The following CACNA1C variants were observed in gnomAD, a reference collection of about 807,000 sequenced individuals.
The protein encoded by CACNA1C is calcium voltage-gated channel subunit alpha1 C, also known as voltage-dependent L-type calcium channel subunit alpha-1C.
Under a neutral mutation model 229.0 loss-of-function variants are expected in CACNA1C, and 30 were observed. The observed-to-expected ratio is 0.13, with a 90% confidence interval of 0.10 to 0.18. The LOEUF is 0.18. CACNA1C is among the 10% of genes least tolerant of loss of function. The pLI is 1.00. For missense variants in CACNA1C, 1,658 were observed against 2,845.0 expected (o/e 0.58, Z 9.49); for synonymous variants, 1,114 against 1,132.5 (o/e 0.98, Z 0.33).
intron 3 of CACNA1C, among the ~76,000 whole-genome samples, chr12:2,255,072 G>C (rs1214203462): frequency 4.6e-5 from 7 of 152,142 alleles, no homozygotes; most frequent in Non-Finnish European, 1.0e-4. Context: ...CAGATGCCAC[G>C]GCTGTGGATG....
intron 13 of CACNA1C, among the ~76,000 whole-genome samples, chr12:2,570,919 G>C (rs1206405117): frequency 2.6e-5 from 4 of 152,204 alleles, no homozygotes; most frequent in African/African-American, 9.7e-5. Flanking sequence ...TCGAAAGAGA[G>C]CTCTTCCTAA....
At chr12:2,497,251 A>G (rs2099748561) in intron 7 of CACNA1C, among the ~76,000 whole-genome samples, 1 of 152,192 alleles carries the variant, frequency 6.6e-6, no homozygotes, top group African/African-American at 2.4e-5. Context: ...GACCTCTTAC[A>G]CACTGTGGGC....
At chr12:2,501,209 C>CAAAAAA (rs59324696) in intron 7 of CACNA1C, among the ~76,000 whole-genome samples, 1,176 of 31,342 alleles carry the variant, frequency 0.038, 107 homozygotes, top group East Asian at 0.085. Flanking sequence ...GACTCCACCT[C>CAAAAAA]AAAAAAAAAA....
Position 2,488,551 on chromosome 12 carries a change from G to T in CACNA1C, c.916+2289G>T, listed in dbSNP as rs941464756. 1.3e-5 allele frequency among the ~76,000 whole-genome samples: 2 copies of T among 152,222 alleles called. No homozygotes were observed. The highest frequency in any genetic ancestry group is 6.5e-5 in the Admixed American group (1 of 15,290). ...CACCCTTGATAGTAAACAGGACCAG[G>T]AAAAGTGCCTGAGAAGTTGCCTCCT... On this transcript the variant is annotated intron_variant, in intron 6 of 46. Transcript: ENST00000399655. The surrounding 1 kb of genome is among the most constrained non-coding windows in gnomAD (Gnocchi z 4.0).
intron 15 of CACNA1C, among the ~76,000 whole-genome samples, chr12:2,583,203 C>G: frequency 6.6e-6 from 1 of 152,216 alleles, no homozygotes; most frequent in East Asian, 1.9e-4. Flanking sequence ...GAGCGGCGCC[C>G]CCTGGCGTTG....
chr12:1,983,233 G>GT (rs1367332263), intron 1 of CACNA1C, among the ~76,000 whole-genome samples: 1 of 138,776 alleles, frequency 7.2e-6, no homozygotes, highest in African/African-American at 2.8e-5. Context: ...CAGTTTTTTT[G>GT]TTTTTTATCT....
rs188291726 is a variant in CACNA1C, at chr12:2,287,468, C to G, written c.478-161508C>G. 7.2e-5 allele frequency among the ~76,000 whole-genome samples: 11 copies of G among 152,220 alleles called. No homozygotes were observed. The East Asian group carries it at 1.5e-3, about 21-fold the overall frequency. ...GGTTGGGTCAGTGGAGATCAGGGCC[C>G]GAAGAGCAGTTTCAGCCTGCGTGGT... On this transcript the variant is annotated intron_variant, in intron 3 of 46. Transcript: ENST00000399655. The surrounding 1 kb of genome is among the most constrained non-coding windows in gnomAD (Gnocchi z 4.6).
At chr12:2,188,725 G>C (rs1328753991) in intron 3 of CACNA1C, among the ~76,000 whole-genome samples, 1 of 152,090 alleles carries the variant, frequency 6.6e-6, no homozygotes, top group East Asian at 1.9e-4. Flanking sequence ...TACAAGAAGT[G>C]TTCTCTGAGA....
chr12:2,258,530 C>T (rs1480431169), intron 3 of CACNA1C, among the ~76,000 whole-genome samples: 1 of 152,026 alleles, frequency 6.6e-6, no homozygotes, highest in Non-Finnish European at 1.5e-5. Context: ...ACGGTGTTAT[C>T]TTCATCTTGC....
At chr12:2,069,142 G>A (rs1050373420) in intron 1 of CACNA1C, among the ~76,000 whole-genome samples, 13 of 152,192 alleles carry the variant, frequency 8.5e-5, no homozygotes, top group African/African-American at 3.1e-4. Context: ...CTGAGAAGTG[G>A]ACTCAGCTCT....
At chr12:1,995,979 T>G (rs191529662) in intron 1 of CACNA1C, among the ~76,000 whole-genome samples, 43 of 152,344 alleles carry the variant, frequency 2.8e-4, no homozygotes, top group African/African-American at 7.2e-4. Context: ...TCAAGCCACA[T>G]TCTTGACCTC....
At chr12:2,035,406 T>G (rs759703387) in intron 1 of CACNA1C, among the ~76,000 whole-genome samples, 1 of 152,216 alleles carries the variant, frequency 6.6e-6, no homozygotes, top group Non-Finnish European at 1.5e-5. Flanking sequence ...TCATGAGGCT[T>G]GCAAGGCAGG....
intron 3 of CACNA1C, among the ~76,000 whole-genome samples, chr12:2,247,446 C>T (rs1409464239): frequency 6.6e-6 from 1 of 152,222 alleles, no homozygotes; most frequent in African/African-American, 2.4e-5. Flanking sequence ...GGGGAAATTC[C>T]TCACAGCTTT....
chr12:2,335,720 C>G (rs1327538733), intron 3 of CACNA1C, among the ~76,000 whole-genome samples: 1 of 152,128 alleles, frequency 6.6e-6, no homozygotes, highest in Non-Finnish European at 1.5e-5. Context: ...ATCTGTAGAC[C>G]CAGAGTGAGG....
At chr12:2,599,651 C>G (rs376634504) in intron 21 of CACNA1C, among the ~76,000 whole-genome samples, 2 of 152,070 alleles carry the variant, frequency 1.3e-5, no homozygotes, top group East Asian at 3.9e-4. Flanking sequence ...ATGGAAACAC[C>G]CCAGCAAGGG....
intron 1 of CACNA1C, among the ~76,000 whole-genome samples, chr12:2,018,930 A>C (rs1355289772): frequency 2.0e-5 from 3 of 151,954 alleles, no homozygotes; most frequent in Non-Finnish European, 4.4e-5. Flanking sequence ...AAGTGGTCCC[A>C]AGGTTTTAAT....
chr12:2,529,431 G>A (rs1459169482), intron 9 of CACNA1C, among the ~76,000 whole-genome samples: 1 of 152,140 alleles, frequency 6.6e-6, no homozygotes, highest in Non-Finnish European at 1.5e-5. Flanking sequence ...TTGAATGTGG[G>A]GACTTTTGTA....
In CACNA1C at chr12:2,274,005, G is replaced by A. The variant is rs574118638; in HGVS notation, c.477+153575G>A. ...CAGCAGGCAGGGCTTGTTCACCTGC[G>A]TCCTGTCCAGCACGCGGCAGGAGCT... is the stretch of plus-strand genomic sequence containing the variant. On this transcript the variant is annotated intron_variant, in intron 3 of 46. Coordinates refer to ENST00000399655, the MANE Select transcript of CACNA1C (RefSeq NM_000719.7). Among the ~76,000 whole-genome samples, 4 of 152,206 alleles carry A rather than the reference G, an allele frequency of 2.6e-5. No individual in the cohort carries two copies. In the East Asian group the frequency reaches 5.8e-4, roughly 22 times the overall value.
In CACNA1C at chr12:2,666,588, A is replaced by G; in HGVS notation, c.4527-98A>G. ...GCTACCACACTGTGCAGTGTTGCCC[A>G]TATGAGTGGGCCCTACCCCTCAGGC... On this transcript the variant is annotated intron_variant, in intron 36 of 46. Transcript: ENST00000399655. This position sits in a 1 kb window ranked among gnomAD's most constrained non-coding sequence, Gnocchi z 5.3. 1 of 695,202 alleles carries G rather than the reference A, an allele frequency of 1.4e-6. No homozygotes were observed. The highest frequency in any genetic ancestry group is 2.7e-5 in the East Asian group (1 of 36,748). The allele number at this position is 695,202 out of a possible 1,614,324, so 43.1% of individuals were successfully genotyped here.
Sources: gnomAD v4.1 joint callset for allele counts (sites outside exome capture counted in the v4.1 genomes callset) on GRCh38, gnomAD v4.1.1 for gene constraint, Gnocchi (gnomAD v3.1) non-coding constraint, MANE v1.5 for transcripts, NCBI Gene and HGNC (gene_info 2026-07-23, HGNC 2026-07-21) for gene names.